CPA6: variants seen among roughly 807,000 people sequenced by gnomAD.
CPA6 encodes carboxypeptidase B.
CPA6 carries 58 observed loss-of-function variants against 63.3 expected under a neutral mutation model. That is an observed-to-expected ratio of 0.92 (90% CI 0.74 to 1.14). The LOEUF is 1.14. CPA6 is among the 50% of genes most tolerant of loss of function. The pLI is 0.00. For synonymous variants in CPA6, 185 were observed against 179.0 expected, an observed-to-expected ratio of 1.03 and a Z score of -0.27; for missense variants, 565 against 526.6, an observed-to-expected ratio of 1.07 and a Z score of -0.71.
intron 8 of CPA6, among the ~76,000 whole-genome samples, chr8:67,443,647 C>G (rs1810345652): frequency 6.6e-6 from 1 of 152,198 alleles, no homozygotes; most frequent in African/African-American, 2.4e-5. Flanking sequence ...TTTTAGCAGT[C>G]AATTCACATT....
rs1212826397 is a variant in CPA6, at chr8:67,746,108, T to C, written c.22A>G (p.Arg8Gly). 1 of 1,613,432 alleles carries C rather than the reference T, an allele frequency of 6.2e-7. No individual in the cohort carries two copies. The highest frequency in any genetic ancestry group is 8.5e-7 in the Non-Finnish European group (1 of 1,179,666). Residue 8 changes from arginine to glycine, a missense_variant, in exon 1 of 11, where the codon AGG (arginine) becomes GGG (glycine). By Grantham distance (125) the Arg-to-Gly change is moderately radical. Transcript: ENST00000297770. Reference protein sequence around the residue: MKCLGKRRGQAAAFLPLC... With the variant: MKCLGKRGGQAAAFLPLC... ...GGCAGGAAAGCAGCTGCCTGGCCCCTGCGCTTCCCGAGACACTTCATAGTG... is the reference window on the plus strand; with the variant it reads ...GGCAGGAAAGCAGCTGCCTGGCCCCCGCGCTTCCCGAGACACTTCATAGTG...
intron 1 of CPA6, among the ~76,000 whole-genome samples, chr8:67,670,699 T>C (rs1316472051): frequency 6.6e-6 from 1 of 152,172 alleles, no homozygotes; most frequent in Non-Finnish European, 1.5e-5. Flanking sequence ...TAGTATCTAT[T>C]AACAGTCGGG....
rs766768786 is a variant in CPA6 at position 67,746,176 on chromosome 8, G to A, written c.-47C>T. 7 of 1,427,924 alleles carry A rather than the reference G, an allele frequency of 4.9e-6. No homozygotes were observed. In the East Asian group the frequency reaches 9.2e-5, roughly 19 times the overall value. 88.5% of individuals were successfully genotyped at this position (1,427,924 alleles called of 1,614,324 possible). On this transcript the variant is annotated 5_prime_UTR_variant, in exon 1 of 11. Coordinates refer to ENST00000297770, the MANE Select transcript of CPA6 (RefSeq NM_020361.5). Reference sequence around the variant, plus strand: ...GAAAGTTACTTAAGCAGCCACCCGAGGCTGGAGGTGGCTCACAGCACCCTC... The same window carrying A: ...GAAAGTTACTTAAGCAGCCACCCGAAGCTGGAGGTGGCTCACAGCACCCTC...
chr8:67,614,521 C>T (rs1587635949), intron 2 of CPA6, among the ~76,000 whole-genome samples: 1 of 152,290 alleles, frequency 6.6e-6, no homozygotes, highest in East Asian at 1.9e-4. Flanking sequence ...TGCTGAATAA[C>T]TGAGGAAGTT....
chr8:67,465,569 T>C (rs1042840768), intron 8 of CPA6, among the ~76,000 whole-genome samples: 2 of 152,198 alleles, frequency 1.3e-5, no homozygotes, highest in African/African-American at 2.4e-5. Context: ...TCCTGTTTTG[T>C]TCCAGTTCAC....
chr8:67,689,089 C>T (rs796248708), intron 1 of CPA6, among the ~76,000 whole-genome samples: 15 of 152,178 alleles, frequency 9.9e-5, no homozygotes, highest in Middle Eastern at 3.4e-3. Flanking sequence ...GAGCAATTCT[C>T]CTGCCTCAGC....
chr8:67,709,165 C>A (rs990381789), intron 1 of CPA6, among the ~76,000 whole-genome samples: 1 of 152,124 alleles, frequency 6.6e-6, no homozygotes, highest in Non-Finnish European at 1.5e-5. Context: ...AAGCACACTG[C>A]GTATGCGGCC....
intron 8 of CPA6, among the ~76,000 whole-genome samples, chr8:67,468,155 T>C (rs1178265597): frequency 1.3e-5 from 2 of 152,152 alleles, no homozygotes; most frequent in Non-Finnish European, 2.9e-5. Flanking sequence ...TAACAGGCAA[T>C]GCCAACATAG....
chr8:67,743,546 G>A (rs554564454), intron 1 of CPA6, among the ~76,000 whole-genome samples: 1 of 152,186 alleles, frequency 6.6e-6, no homozygotes, highest in South Asian at 2.1e-4. Context: ...TGTTGTGCAA[G>A]CAAACAGGTC....
intron 3 of CPA6, 54 bp downstream of exon 3, chr8:67,517,868 AT>A: frequency 6.7e-7 from 1 of 1,495,314 alleles, no homozygotes; most frequent in South Asian, 1.4e-5. Flanking sequence ...TACAACTACC[AT>A]TTGGTTCAGT....
chr8:67,582,222 C>T (rs188881759), intron 2 of CPA6, among the ~76,000 whole-genome samples: 157 of 152,158 alleles, frequency 1.0e-3, no homozygotes, highest in Admixed American at 9.2e-3. Flanking sequence ...TGAGAGCCCA[C>T]CTCAGATTCA....
chr8:67,571,983 C>T (rs908783377), intron 2 of CPA6, among the ~76,000 whole-genome samples: 3 of 151,456 alleles, frequency 2.0e-5, no homozygotes, highest in South Asian at 2.1e-4. Context: ...AAATCAGAAA[C>T]GAAAGTGGAA....
intron 1 of CPA6, among the ~76,000 whole-genome samples, chr8:67,652,619 A>T (rs1463577608): frequency 6.7e-6 from 1 of 149,100 alleles, no homozygotes; most frequent in Admixed American, 6.7e-5. Flanking sequence ...GTTTGAGTTC[A>T]TTGTAGATTC....
rs986535221 is a variant in CPA6, at chr8:67,464,691, G to A, written c.838+19077C>T. 6.6e-5 allele frequency among the ~76,000 whole-genome samples: 10 copies of A among 152,074 alleles called. 1 individual carries two copies. Among genetic ancestry groups the A allele is most frequent in the Admixed American group, 4.6e-4 (7 of 15,254 alleles). On this transcript the variant is annotated intron_variant, in intron 8 of 10. Coordinates refer to ENST00000297770, the MANE Select transcript of CPA6 (RefSeq NM_020361.5). ...TAATCCAACTTAATTTTTGTATATGGTGACAGGTAGAGGTCCAGTTTCATT... is the reference window on the plus strand; with the variant it reads ...TAATCCAACTTAATTTTTGTATATGATGACAGGTAGAGGTCCAGTTTCATT...
intron 8 of CPA6, among the ~76,000 whole-genome samples, chr8:67,475,875 C>CTCT (rs1563967955): frequency 5.8e-4 from 42 of 72,578 alleles, no homozygotes; most frequent in African/African-American, 1.8e-3. Context: ...TTCTTTCTTT[C>CTCT]TTTCTCCTTT....
intron 9 of CPA6, among the ~76,000 whole-genome samples, chr8:67,431,402 G>A (rs1049168399): frequency 8.6e-4 from 130 of 151,586 alleles, no homozygotes; most frequent in Admixed American, 8.2e-3. Context: ...CACCAGGCCC[G>A]GCTAATTTTT....
intron 9 of CPA6, among the ~76,000 whole-genome samples, chr8:67,431,434 G>C (rs1164943658): frequency 6.6e-6 from 1 of 151,170 alleles, no homozygotes; most frequent in East Asian, 2.0e-4. Flanking sequence ...TTTAGAGATG[G>C]GGTTAAACCA....
chr8:67,500,172 T>C (rs1212620309), intron 6 of CPA6, among the ~76,000 whole-genome samples: 1 of 152,222 alleles, frequency 6.6e-6, no homozygotes, highest in Non-Finnish European at 1.5e-5. Context: ...ATTTGTGATA[T>C]ATATCTGTAG....
In CPA6 at chr8:67,448,725, G is replaced by A. The variant is rs1393438890; in HGVS notation, c.839-14485C>T. Among the ~76,000 whole-genome samples, 3 of 146,720 alleles carry A rather than the reference G, an allele frequency of 2.0e-5. No individual in the cohort carries two copies. The South Asian group carries it at 6.5e-4, about 32-fold the overall frequency. On this transcript the variant is annotated intron_variant, in intron 8 of 10. Coordinates refer to ENST00000297770, the MANE Select transcript of CPA6 (RefSeq NM_020361.5). ...AAAGAAAGAAAAAGAAAAAAAGAAA[G>A]TTTTCCCTATCCTTAAAGATTATAG... is the stretch of plus-strand genomic sequence containing the variant.
Sources: allele counts gnomAD v4.1 joint callset (sites outside exome capture counted in the v4.1 genomes callset), GRCh38; gene constraint gnomAD v4.1.1; transcripts MANE v1.5; gene names NCBI Gene and HGNC (gene_info 2026-07-23, HGNC 2026-07-21).